The following MAP3K2 variants were observed in gnomAD, a reference collection of about 807,000 sequenced individuals.
MAP3K2 encodes the protein mitogen-activated protein kinase kinase kinase 2, also known as MAP/ERK kinase kinase 2.
MAP3K2 carries 24 observed loss-of-function variants against 80.3 expected under a neutral mutation model. The observed-to-expected ratio is 0.30, with a 90% CI of 0.22 to 0.42. The LOEUF is 0.42. Ranked by LOEUF, MAP3K2 falls within the 10% of genes least tolerant of loss-of-function variation. The pLI, the probability that MAP3K2 is intolerant of heterozygous loss-of-function variation, is 1.00. For missense variants in MAP3K2, 608 were observed against 750.1 expected (o/e 0.81, Z 2.21); for synonymous variants, 244 against 253.7 (o/e 0.96, Z 0.36).
intron 1 of MAP3K2, among the ~76,000 whole-genome samples, chr2:127,369,967 A>G (rs909438542): frequency 6.6e-6 from 1 of 152,218 alleles, no homozygotes; most frequent in Non-Finnish European, 1.5e-5. Flanking sequence ...TCGGAAAAAG[A>G]TTTGGCTGAA....
At position 127,374,903 on chromosome 2, in the gene MAP3K2, T is replaced by C. The variant is rs1212976687; in HGVS notation, c.-66+12549A>G. On this transcript the variant is annotated intron_variant, in intron 1 of 16. Transcript: ENST00000682094. Reference sequence around the variant, plus strand: ...GCCATAGAACGTACCCAATCCAGCCTTAAAAATATGCTCAGAAAACAAAAA... The same window carrying C: ...GCCATAGAACGTACCCAATCCAGCCCTAAAAATATGCTCAGAAAACAAAAA... Among the ~76,000 whole-genome samples the C allele has an allele frequency of 2.6e-5, 4 of 152,088 alleles. No individual in the cohort carries two copies. The East Asian group carries it at 7.7e-4, about 29-fold the overall frequency.
Position 127,330,816 on chromosome 2 carries a change from G to A in MAP3K2, c.265-311C>T, listed in dbSNP as rs181437752. On this transcript the variant is annotated intron_variant, in intron 5 of 16. Coordinates refer to ENST00000682094, the MANE Select transcript of MAP3K2 (RefSeq NM_001371910.2). The stretch of plus-strand genomic sequence containing the variant: ...GCTAAATTTAAGTTATAGTATGTTC[G>A]CCCCTAAAAAGAATGAAGAAGTACA... Among the ~76,000 whole-genome samples the A allele has an allele frequency of 9.2e-5, 14 of 151,958 alleles. No homozygotes were observed. In the East Asian group the frequency reaches 2.3e-3, roughly 25 times the overall value.
chr2:127,371,199 T>C (rs7589451), intron 1 of MAP3K2, among the ~76,000 whole-genome samples: 57,243 of 152,012 alleles, frequency 0.38, 11,500 homozygotes, highest in East Asian at 0.62. Context: ...GCTAAAACAA[T>C]TTTGGAGGCC....
chr2:127,370,912 C>T (rs113410868), intron 1 of MAP3K2, among the ~76,000 whole-genome samples: 17 of 152,244 alleles, frequency 1.1e-4, no homozygotes, highest in Middle Eastern at 3.4e-3. Context: ...TTGCCTGAGC[C>T]CCCTCCTCCA....
chr2:127,316,138 C>T (rs1404974484), intron 14 of MAP3K2, among the ~76,000 whole-genome samples: 3 of 151,628 alleles, frequency 2.0e-5, no homozygotes, highest in Admixed American at 6.6e-5. Flanking sequence ...ATTGGGAGGT[C>T]GAGGCAGGCG....
At chr2:127,344,145 T>C (rs1686551974) in intron 1 of MAP3K2, among the ~76,000 whole-genome samples, 1 of 152,184 alleles carries the variant, frequency 6.6e-6, no homozygotes, top group African/African-American at 2.4e-5. Context: ...CATGACACTA[T>C]GAATGGAAAA....
intron 6 of MAP3K2, 99 bp downstream of exon 6, chr2:127,330,278 TTTAATCATAATGAAA>T: frequency 3.3e-6 from 2 of 611,354 alleles, no homozygotes; most frequent in Non-Finnish European, 5.7e-6. Flanking sequence ...TAAGTTTACA[TTTAATCATAATGAAA>T]ATATTGCAAT....
chr2:127,370,247 C>G (rs1353307586), intron 1 of MAP3K2, among the ~76,000 whole-genome samples: 1 of 152,202 alleles, frequency 6.6e-6, no homozygotes, highest in Non-Finnish European at 1.5e-5. Context: ...GCCGCTGACT[C>G]TTTATACACC....
In MAP3K2 at chr2:127,364,850, A is replaced by G. The variant is rs1228792320; in HGVS notation, c.-65-21656T>C. Among the ~76,000 whole-genome samples the G allele has an allele frequency of 6.6e-6, 1 of 152,118 alleles. No individual in the cohort carries two copies. The highest frequency in any genetic ancestry group is 1.5e-5 in the Non-Finnish European group (1 of 68,018). Reference sequence around the variant, plus strand: ...CTACTAATAAAAGCTACTATTGACCAGGCGCAGTGGCTCACGCCTGTAATC... The same window carrying G: ...CTACTAATAAAAGCTACTATTGACCGGGCGCAGTGGCTCACGCCTGTAATC... On this transcript the variant is annotated intron_variant, in intron 1 of 16. Transcript: ENST00000682094. The surrounding 1 kb of genome is among the most constrained non-coding windows in gnomAD (Gnocchi z 4.1).
intron 5 of MAP3K2, among the ~76,000 whole-genome samples, chr2:127,334,750 ATTC>A (rs1443825222): frequency 6.8e-6 from 1 of 147,262 alleles, no homozygotes; most frequent in Non-Finnish European, 1.5e-5. Flanking sequence ...TCTGCCCGTT[ATTC>A]TTCAACACAA....
chr2:127,331,888 G>A (rs949219111), intron 5 of MAP3K2, among the ~76,000 whole-genome samples: 1 of 152,208 alleles, frequency 6.6e-6, no homozygotes, highest in Non-Finnish European at 1.5e-5. Context: ...TTACAGGCGT[G>A]AGCCACCATG....
Position 127,324,008 on chromosome 2 carries a change from T to G in MAP3K2, c.746-14A>C. 8.0e-7 allele frequency: 1 copy of G among 1,248,380 alleles called. No homozygotes were observed. Among genetic ancestry groups the G allele is most frequent in the Non-Finnish European group, 1.1e-6 (1 of 888,232 alleles). The allele number at this position is 1,248,380 out of a possible 1,614,324, so 77.3% of individuals were successfully genotyped here. ...GGTTATCATAGTCTGTTAAGACATATAAGATGGTTATCTTTTATTTAAAAA... is the reference window on the plus strand; with the variant it reads ...GGTTATCATAGTCTGTTAAGACATAGAAGATGGTTATCTTTTATTTAAAAA... On this transcript the variant is annotated splice_polypyrimidine_tract_variant and intron_variant, in intron 10 of 16. Transcript: ENST00000682094.
intron 2 of MAP3K2, 135 bp downstream of exon 2, chr2:127,342,988 TATA>T: frequency 1.6e-6 from 1 of 625,238 alleles, no homozygotes; most frequent in South Asian, 2.5e-5. Context: ...ATTAAGTAAA[TATA>T]AAACATTTCA....
intron 15 of MAP3K2, 61 bp from the exon 16 acceptor site, chr2:127,308,823 A>G: frequency 6.6e-7 from 1 of 1,516,316 alleles, no homozygotes; most frequent in Non-Finnish European, 9.0e-7. Flanking sequence ...TATAGCATAA[A>G]AGAACAATGG....
chr2:127,388,035 C>A (rs1167139532), upstream of MAP3K2: 88 of 983,146 alleles, frequency 9.0e-5, no homozygotes, highest in Middle Eastern at 5.2e-4. Flanking sequence ...CCCCTCCGCC[C>A]GGCGGTAGCG....
At chr2:127,314,945 T>A in intron 14 of MAP3K2, 62 bp from the exon 15 acceptor site, 1 of 1,216,386 alleles carries the variant, frequency 8.2e-7, no homozygotes, top group Non-Finnish European at 1.2e-6. Flanking sequence ...AAACTGCTAT[T>A]AAATCTTTAT....
At chr2:127,374,075 T>C (rs564350052) in intron 1 of MAP3K2, among the ~76,000 whole-genome samples, 1 of 152,358 alleles carries the variant, frequency 6.6e-6, no homozygotes, top group South Asian at 2.1e-4. Flanking sequence ...GAAAAGCGGC[T>C]GTCTGGTGGA....
intron 1 of MAP3K2, among the ~76,000 whole-genome samples, chr2:127,384,097 C>G (rs1687301355): frequency 6.6e-6 from 1 of 151,446 alleles, no homozygotes; most frequent in Non-Finnish European, 1.5e-5. Flanking sequence ...GGGTTTCATC[C>G]TGTTAGCCAG....
chr2:127,343,068 T>C (rs1686529354), intron 2 of MAP3K2, 58 bp downstream of exon 2: 1 of 1,432,586 alleles, frequency 7.0e-7, no homozygotes, highest in Non-Finnish European at 9.5e-7. Context: ...GAGAAAGTTT[T>C]TTCACTTCCA....
Sources: gnomAD v4.1 joint callset for allele counts (sites outside exome capture counted in the v4.1 genomes callset) on GRCh38, gnomAD v4.1.1 for gene constraint, Gnocchi (gnomAD v3.1) non-coding constraint, MANE v1.5 for transcripts, NCBI Gene and HGNC (gene_info 2026-07-23, HGNC 2026-07-21) for gene names.